Variants in GATA4 observed in about 807,000 individuals in gnomAD.
The protein encoded by GATA4 is GATA binding protein 4.
A neutral mutation model predicts 37.9 loss-of-function variants in GATA4; 7 were observed. The ratio of observed to expected loss-of-function variants is 0.18; its 90% CI spans 0.11 to 0.35. GATA4 has a LOEUF of 0.35. GATA4 is among the 10% of genes least tolerant of loss of function. The probability of loss-of-function intolerance (pLI) is 1.00; values close to 1 mark genes in which losing one functional copy is unlikely to be tolerated. For missense variants in GATA4, 647 were observed against 653.0 expected, an observed-to-expected ratio of 0.99 and a Z score of 0.10; for synonymous variants, 372 against 292.6, an observed-to-expected ratio of 1.27 and a Z score of -2.77.
chr8:11,700,276 G>A (rs577254895), upstream of GATA4, among the ~76,000 whole-genome samples: 51 of 152,350 alleles, frequency 3.3e-4, no homozygotes, highest in African/African-American at 1.2e-3. Context: ...AGATGTATTC[G>A]CTTTGCAACC....
In GATA4 at chr8:11,707,315, T is replaced by C. The variant is rs1402914394; in HGVS notation, c.-457-541T>C. On this transcript the variant is annotated intron_variant, in intron 1 of 6. Transcript: ENST00000532059. This position sits in a 1 kb window ranked among gnomAD's most constrained non-coding sequence, Gnocchi z 4.7. ...CTTATAAACATTTGGACTCTACTTCTGGTTTTTTTTTTTTTTAATTACAAA... is the reference window on the plus strand; with the variant it reads ...CTTATAAACATTTGGACTCTACTTCCGGTTTTTTTTTTTTTTAATTACAAA... Among the ~76,000 whole-genome samples the C allele has an allele frequency of 5.7e-5, 8 of 139,464 alleles. No individual in the cohort carries two copies. In the East Asian group the frequency reaches 1.6e-3, roughly 28 times the overall value. The allele number at this position is 139,464 out of a possible 152,430, so 91.5% of individuals were successfully genotyped here.
At chr8:11,743,648 G>A (rs1409176092) in intron 2 of GATA4, among the ~76,000 whole-genome samples, 1 of 152,236 alleles carries the variant, frequency 6.6e-6, no homozygotes, top group Admixed American at 6.5e-5. Context: ...GCCTCCCCTT[G>A]TTGGGGTGGG....
At chr8:11,739,944 G>T (rs1310452307) in intron 2 of GATA4, among the ~76,000 whole-genome samples, 1 of 152,180 alleles carries the variant, frequency 6.6e-6, no homozygotes, top group East Asian at 1.9e-4. Context: ...GACCCTCGCA[G>T]CCTCTCCCAC....
intron 1 of GATA4, chr8:11,683,101 C>T (rs1799026975): frequency 2.0e-6 from 2 of 985,398 alleles, no homozygotes; most frequent in Non-Finnish European, 2.4e-6. Flanking sequence ...GCCGGATTGC[C>T]TTGGAAAGCT....
chr8:11,742,769 G>C (rs1314571832), intron 2 of GATA4, among the ~76,000 whole-genome samples: 1 of 152,244 alleles, frequency 6.6e-6, no homozygotes, highest in Non-Finnish European at 1.5e-5. Flanking sequence ...TTTGGGCCTC[G>C]TGCCCCACAC....
At chr8:11,680,398 C>A (rs945503591) in intron 1 of GATA4, 83 of 848,352 alleles carry the variant, frequency 9.8e-5, no homozygotes, top group Non-Finnish European at 1.2e-4. Context: ...TTGCCACTTT[C>A]CCGCCCTCGG....
upstream of GATA4, chr8:11,692,033 C>T: frequency 1.0e-6 from 1 of 985,428 alleles, no homozygotes; most frequent in Non-Finnish European, 1.2e-6. Context: ...TGTTCATGAT[C>T]CTCACCTTAG....
chr8:11,714,851 C>A (rs1800366613), intron 2 of GATA4, among the ~76,000 whole-genome samples: 1 of 152,120 alleles, frequency 6.6e-6, no homozygotes, highest in Non-Finnish European at 1.5e-5. Context: ...ACTCTGATAC[C>A]TGTGGGTGGG....
At chr8:11,712,492 T>C (rs1294007056) in intron 2 of GATA4, among the ~76,000 whole-genome samples, 1 of 151,918 alleles carries the variant, frequency 6.6e-6, no homozygotes, top group African/African-American at 2.4e-5. Flanking sequence ...GAGTAGGAGT[T>C]TGTCAGGAAA....
chr8:11,749,633 C>T lies in GATA4; in HGVS notation c.787-478C>T, dbSNP rs1489652239. The stretch of plus-strand genomic sequence containing the variant: ...TTTGATTCTGGTCAACACCAACCAG[C>T]TTGCACTATATTAAGGAGGGAAGAA... On this transcript the variant is annotated intron_variant, in intron 3 of 6. Coordinates refer to ENST00000532059, the MANE Select transcript of GATA4 (RefSeq NM_001308093.3). This position sits in a 1 kb window ranked among gnomAD's most constrained non-coding sequence, Gnocchi z 4.6. Among the ~76,000 whole-genome samples, 2 of 152,200 alleles carry T rather than the reference C, an allele frequency of 1.3e-5. No individual in the cohort carries two copies. The highest frequency in any genetic ancestry group is 2.9e-5 in the Non-Finnish European group (2 of 68,030).
Position 11,708,093 on chromosome 8 carries a change from G to A in GATA4, c.-220G>A, listed in dbSNP as rs1799974821. Reference sequence around the variant, plus strand: ...CCGGAACCACCAAAAATTCAAATTGGGATTTTCCGGAGTAAACAAGAGCCT... The same window carrying A: ...CCGGAACCACCAAAAATTCAAATTGAGATTTTCCGGAGTAAACAAGAGCCT... On this transcript the variant is annotated 5_prime_UTR_variant, in exon 2 of 7. Coordinates refer to ENST00000532059, the MANE Select transcript of GATA4 (RefSeq NM_001308093.3). This position sits in a 1 kb window ranked among gnomAD's most constrained non-coding sequence, Gnocchi z 6.7. 1 of 640,430 alleles carries A rather than the reference G, an allele frequency of 1.6e-6. No homozygotes were observed. Among genetic ancestry groups the A allele is most frequent in the South Asian group, 1.7e-5 (1 of 57,590 alleles). 39.7% of individuals were successfully genotyped at this position (640,430 alleles called of 1,614,324 possible).
upstream of GATA4, among the ~76,000 whole-genome samples, chr8:11,703,972 G>C (rs28472428): frequency 0.027 from 4,177 of 152,368 alleles, 191 homozygotes; most frequent in African/African-American, 0.093. Flanking sequence ...CCTCCGGCTG[G>C]GTTGCGGGTG....
At chr8:11,720,867 G>C (rs1488636866) in intron 2 of GATA4, among the ~76,000 whole-genome samples, 1 of 151,818 alleles carries the variant, frequency 6.6e-6, no homozygotes, top group Non-Finnish European at 1.5e-5. Flanking sequence ...TTGCTTTTCA[G>C]TTAATAAACC....
chr8:11,678,543 G>T (rs983173650), intron 1 of GATA4, among the ~76,000 whole-genome samples: 4 of 152,166 alleles, frequency 2.6e-5, no homozygotes, highest in Admixed American at 6.5e-5. Context: ...AAGGGTTTTA[G>T]TGGGAAAAGC....
chr8:11,719,300 C>T (rs1162173353), intron 2 of GATA4, among the ~76,000 whole-genome samples: 1 of 151,878 alleles, frequency 6.6e-6, no homozygotes, highest in African/African-American at 2.4e-5. Context: ...TACAGGTTGC[C>T]CCTCAAAATT....
chr8:11,707,070 GA>G lies in GATA4; in HGVS notation c.-457-784del, dbSNP rs1799919759. ...GGGTGGATTTATTATTCTATATGAAGAACCCATTCAGTGAATTAGAATGGTC... is the reference window on the plus strand; with the variant it reads ...GGGTGGATTTATTATTCTATATGAAGACCCATTCAGTGAATTAGAATGGTC... On this transcript the variant is annotated intron_variant, in intron 1 of 6. Transcript: ENST00000532059. This position sits in a 1 kb window ranked among gnomAD's most constrained non-coding sequence, Gnocchi z 4.7. Among the ~76,000 whole-genome samples, 1 of 152,180 alleles carries G rather than the reference GA, an allele frequency of 6.6e-6. No homozygotes were observed. The highest frequency in any genetic ancestry group is 1.5e-5 in the Non-Finnish European group (1 of 68,026).
chr8:11,728,593 G>T (rs1376300447), intron 2 of GATA4, among the ~76,000 whole-genome samples: 1 of 151,986 alleles, frequency 6.6e-6, no homozygotes, highest in African/African-American at 2.4e-5. Context: ...CTGTTGCCCA[G>T]GCTGGAGTAC....
In GATA4 at chr8:11,755,090, A is replaced by G. The variant is rs746390280; in HGVS notation, c.957A>G (p.Arg319=). The change falls in exon 5 of 7, where the codon AGA becomes AGG. Residue 319 remains arginine, a synonymous_variant. Coordinates refer to ENST00000532059, the MANE Select transcript of GATA4 (RefSeq NM_001308093.3). Reference sequence around the variant, plus strand: ...TGCGGAAAGAGGGGATCCAAACCAGAAAACGGAAGCCCAAGAACCTGAATA... The same window carrying G: ...TGCGGAAAGAGGGGATCCAAACCAGGAAACGGAAGCCCAAGAACCTGAATA... ...LAMRKEGIQT[R]KRKPKNLNKS... is the part of the protein sequence containing the mutation. The G allele has an allele frequency of 1.9e-5, 31 of 1,614,092 alleles. 1 individual carries two copies. In the South Asian group the frequency reaches 3.1e-4, roughly 16 times the overall value.
intron 2 of GATA4, among the ~76,000 whole-genome samples, chr8:11,714,793 C>T (rs1800364389): frequency 6.6e-6 from 1 of 152,162 alleles, no homozygotes; most frequent in Admixed American, 6.5e-5. Flanking sequence ...TCTTTTCTAA[C>T]TTAAATGCAC....
Sources: allele counts gnomAD v4.1 joint callset (sites outside exome capture counted in the v4.1 genomes callset), GRCh38; gene constraint gnomAD v4.1.1; non-coding constraint Gnocchi (gnomAD v3.1); transcripts MANE v1.5; gene names NCBI Gene and HGNC (gene_info 2026-07-23, HGNC 2026-07-21).